KLRF1: variants seen among roughly 807,000 people sequenced by gnomAD.
KLRF1 encodes the protein killer cell lectin like receptor F1.
KLRF1 carries 27 observed loss-of-function variants against 30.7 expected under a neutral mutation model. The ratio of observed to expected loss-of-function variants is 0.88; its 90% CI spans 0.65 to 1.21. KLRF1 has a LOEUF of 1.21. Ranked by LOEUF, KLRF1 falls within the 50% of genes most tolerant of loss-of-function variation. The pLI, the probability that KLRF1 is intolerant of heterozygous loss-of-function variation, is 0.00. For synonymous variants in KLRF1, 92 were observed against 89.3 expected, an observed-to-expected ratio of 1.03 and a Z score of -0.17; for missense variants, 246 against 259.3, an observed-to-expected ratio of 0.95 and a Z score of 0.35.
the KLRF1 span, among the ~76,000 whole-genome samples, chr12:9,805,171 A>T: frequency 0.011 from 1,650 of 152,098 alleles, 15 homozygotes; most frequent in Middle Eastern, 0.034. Context: ...TGCTGCTGTA[A>T]CAAAATACCT....
At chr12:9,833,932 A>G (rs1295168792) in intron 3 of KLRF1, among the ~76,000 whole-genome samples, 2 of 121,960 alleles carry the variant, frequency 1.6e-5, no homozygotes, top group Non-Finnish European at 3.2e-5. Flanking sequence ...TTTTTGAGCA[A>G]CAAGGCTGTT....
the KLRF1 span, among the ~76,000 whole-genome samples, chr12:9,815,543 C>T: frequency 3.3e-5 from 5 of 152,216 alleles, no homozygotes; most frequent in Non-Finnish European, 7.3e-5. Flanking sequence ...GCTTGCTACG[C>T]ACTCCATCTT....
the KLRF1 span, among the ~76,000 whole-genome samples, chr12:9,816,375 T>C: frequency 2.0e-5 from 3 of 152,158 alleles, no homozygotes; most frequent in Admixed American, 6.5e-5. Flanking sequence ...CCCATACCTG[T>C]ACATTCTGGC....
chr12:9,827,519 T>A lies in KLRF1; in HGVS notation c.-26T>A. On this transcript the variant is annotated 5_prime_UTR_variant, in exon 1 of 6. Coordinates refer to ENST00000617889, the MANE Select transcript of KLRF1 (RefSeq NM_016523.3). ...CTTAATAAAACAAAACATACCTGTA[T>A]ACACACACATTCACTCACATTGAAG... is the stretch of plus-strand genomic sequence containing the variant. The A allele has an allele frequency of 7.3e-7, 1 of 1,363,796 alleles. No homozygotes were observed. Among genetic ancestry groups the A allele is most frequent in the Non-Finnish European group, 1.0e-6 (1 of 960,830 alleles). The allele number at this position is 1,363,796 out of a possible 1,614,324, so 84.5% of individuals were successfully genotyped here.
Position 9,841,889 on chromosome 12 carries a change from A to G in KLRF1, c.412A>G (p.Ser138Gly), listed in dbSNP as rs2121239327. The change falls in exon 4 of 6, where the codon AGT becomes GGT. Residue 138 changes from serine (S) to glycine (G), a missense_variant. Coordinates refer to ENST00000617889, the MANE Select transcript of KLRF1 (RefSeq NM_016523.3). ...FSNEMKSWSD[S>G]YVYCLERKSH... ...TAATGAGATGAAAAGCTGGAGTGAC[A>G]GTTATGTGTATTGTTTGGAAAGAAA... 3.1e-6 allele frequency: 5 copies of G among 1,611,650 alleles called. No homozygotes were observed. Among genetic ancestry groups the G allele is most frequent in the Non-Finnish European group, 4.2e-6 (5 of 1,178,218 alleles).
At position 9,829,391 on chromosome 12, in the gene KLRF1, A is replaced by AT. The variant is rs908839898; in HGVS notation, c.85+1770dup. On this transcript the variant is annotated intron_variant, in intron 1 of 5. Transcript: ENST00000617889. ...GATTCCTTTTCTTCATTTTTTATGG[A>AT]TTTTTTTTCATTTTTGTTTAACTTA... Among the ~76,000 whole-genome samples, 27 of 151,834 alleles carry AT rather than the reference A, an allele frequency of 1.8e-4. No homozygotes were observed. The East Asian group carries it at 2.5e-3, about 14-fold the overall frequency.
Position 9,844,639 on chromosome 12 carries a change from C to T in KLRF1, c.*113C>T. On this transcript the variant is annotated 3_prime_UTR_variant, in exon 6 of 6. Coordinates refer to ENST00000617889, the MANE Select transcript of KLRF1 (RefSeq NM_016523.3). ...AAAGTGCAATTAAATGCCAAAATCTCTTCTCCCTTCTCCCTCCATCATCGA... is the reference window on the plus strand; with the variant it reads ...AAAGTGCAATTAAATGCCAAAATCTTTTCTCCCTTCTCCCTCCATCATCGA... 1.7e-6 allele frequency: 1 copy of T among 586,092 alleles called. No individual in the cohort carries two copies. Among genetic ancestry groups the T allele is most frequent in the Admixed American group, 2.8e-5 (1 of 36,058 alleles). 36.3% of individuals were successfully genotyped at this position (586,092 alleles called of 1,614,324 possible).
At chr12:9,812,918 G>C in the KLRF1 span, among the ~76,000 whole-genome samples, 1 of 152,142 alleles carries the variant, frequency 6.6e-6, no homozygotes, top group East Asian at 1.9e-4. Context: ...TAATTTTGTA[G>C]TGTTGTTTAA....
At chr12:9,800,889 G>T in the KLRF1 span, among the ~76,000 whole-genome samples, 3 of 151,964 alleles carry the variant, frequency 2.0e-5, no homozygotes, top group African/African-American at 7.2e-5. Context: ...ATGTAGGTTT[G>T]TTACATAGGT....
chr12:9,808,298 G>A, the KLRF1 span, among the ~76,000 whole-genome samples: 1 of 151,978 alleles, frequency 6.6e-6, no homozygotes, highest in East Asian at 1.9e-4. Flanking sequence ...CCCCCAATGT[G>A]TTTGTAAAAG....
upstream of KLRF1, among the ~76,000 whole-genome samples, chr12:9,826,485 A>G (rs1273102996): frequency 6.6e-6 from 1 of 152,178 alleles, no homozygotes; most frequent in East Asian, 1.9e-4. Flanking sequence ...TTCCTTAAAG[A>G]CCTAAAACCA....
rs762816368 is a variant in KLRF1 at position 9,835,780 on chromosome 12, C to T, written c.334+2328C>T. On this transcript the variant is annotated intron_variant, in intron 3 of 5. Transcript: ENST00000617889. ...CGAGAGATACATAAAGGAGTGGCCA[C>T]AGGAATAGGAATAGTAGTTTGTGTT... Among the ~76,000 whole-genome samples, 6 of 151,972 alleles carry T rather than the reference C, an allele frequency of 3.9e-5. No homozygotes were observed. In the East Asian group the frequency reaches 1.2e-3, roughly 30 times the overall value.
the KLRF1 span, among the ~76,000 whole-genome samples, chr12:9,811,102 A>C: frequency 6.6e-6 from 1 of 152,042 alleles, no homozygotes; most frequent in African/African-American, 2.4e-5. Flanking sequence ...CCTAAAATAA[A>C]ATTCACCTAA....
chr12:9,815,005 A>G, the KLRF1 span, among the ~76,000 whole-genome samples: 5 of 152,352 alleles, frequency 3.3e-5, no homozygotes, highest in African/African-American at 1.2e-4. Flanking sequence ...TTCCCAACAC[A>G]AAGAAATAAT....
At chr12:9,831,173 T>A (rs1488416648) in intron 1 of KLRF1, among the ~76,000 whole-genome samples, 2 of 152,012 alleles carry the variant, frequency 1.3e-5, no homozygotes, top group Non-Finnish European at 2.9e-5. Flanking sequence ...ATGACTTTTT[T>A]AAGACACATG....
upstream of KLRF1, among the ~76,000 whole-genome samples, chr12:9,826,859 G>A (rs59884748): frequency 0.012 from 1,757 of 152,102 alleles, 34 homozygotes; most frequent in African/African-American, 0.04. Context: ...GACAGACACC[G>A]GAGCCTACTT....
intron 3 of KLRF1, among the ~76,000 whole-genome samples, chr12:9,835,724 G>T (rs1041778843): frequency 1.3e-5 from 2 of 152,024 alleles, no homozygotes; most frequent in African/African-American, 4.8e-5. Context: ...GAAGGTGAAG[G>T]GTTACTAGGG....
chr12:9,807,233 T>C, the KLRF1 span, among the ~76,000 whole-genome samples: 1 of 152,122 alleles, frequency 6.6e-6, no homozygotes, highest in Non-Finnish European at 1.5e-5. Flanking sequence ...TTTATACATA[T>C]TATGTCTTTA....
the KLRF1 span, among the ~76,000 whole-genome samples, chr12:9,816,885 G>A: frequency 9.9e-5 from 15 of 151,666 alleles, 1 homozygote; most frequent in South Asian, 2.9e-3. Context: ...CACCATGCCC[G>A]GCTAATATTT....
Sources: gnomAD v4.1 joint callset for allele counts (sites outside exome capture counted in the v4.1 genomes callset) on GRCh38, gnomAD v4.1.1 for gene constraint, MANE v1.5 for transcripts, NCBI Gene and HGNC (gene_info 2026-07-23, HGNC 2026-07-21) for gene names.